The following CHST9 variants were observed in gnomAD, a reference collection of about 807,000 sequenced individuals.
CHST9 encodes the protein GalNAc-4-sulfotransferase 2.
Under a neutral mutation model 44.4 loss-of-function variants are expected in CHST9, and 41 were observed. The ratio of observed to expected loss-of-function variants is 0.92; its 90% CI spans 0.72 to 1.20. The LOEUF (loss-of-function observed/expected upper bound fraction) is 1.20. Ranked by LOEUF, CHST9 falls within the 50% of genes most tolerant of loss-of-function variation. The pLI is 0.00. For synonymous variants in CHST9, 171 were observed against 178.4 expected (o/e 0.96, Z 0.33); for missense variants, 504 against 516.5 (o/e 0.98, Z 0.23).
intron 2 of CHST9, among the ~76,000 whole-genome samples, chr18:27,101,965 A>C (rs1316571440): frequency 9.2e-5 from 14 of 152,254 alleles, no homozygotes; most frequent in Admixed American, 9.2e-4. Flanking sequence ...AGGAAATCAC[A>C]GGTGGCTTCA....
At chr18:27,057,933 G>A (rs1239861761) in intron 2 of CHST9, among the ~76,000 whole-genome samples, 1 of 152,336 alleles carries the variant, frequency 6.6e-6, no homozygotes, top group East Asian at 1.9e-4. Flanking sequence ...CGACAAGCAC[G>A]TAATTAATGT....
At chr18:26,944,741 C>T (rs947786896) in intron 4 of CHST9, among the ~76,000 whole-genome samples, 2 of 152,128 alleles carry the variant, frequency 1.3e-5, no homozygotes, top group Non-Finnish European at 2.9e-5. Context: ...AATACTAATA[C>T]TGAGCTCAGG....
At position 26,907,366 on chromosome 18, in the gene CHST9, C is replaced by G. The variant is rs181693399; in HGVS notation, c.*8893G>C. 1 of 152,466 alleles carries G rather than the reference C, an allele frequency of 6.6e-6. No individual in the cohort carries two copies. Among genetic ancestry groups the G allele is most frequent in the Admixed American group, 6.5e-5 (1 of 15,292 alleles). 9.4% of individuals were successfully genotyped at this position (152,466 alleles called of 1,614,324 possible). A position where few individuals can be genotyped will look rare whatever the true frequency, so the allele number is the denominator to read the frequency against. ...AGGTTTGGGGGTTAGGTGATGAGTT[C>G]AGCTTTGGTCATGTTGAGTTGGAAG... is the stretch of plus-strand genomic sequence containing the variant. On this transcript the variant is annotated 3_prime_UTR_variant, in exon 6 of 6. Transcript: ENST00000618847.
At chr18:27,079,123 T>A (rs1261391114) in intron 2 of CHST9, among the ~76,000 whole-genome samples, 1 of 152,168 alleles carries the variant, frequency 6.6e-6, no homozygotes, top group Non-Finnish European at 1.5e-5. Context: ...GCAGAACTGT[T>A]TATACGATAA....
At chr18:27,058,380 G>GA (rs1053037812) in intron 2 of CHST9, among the ~76,000 whole-genome samples, 4 of 152,058 alleles carry the variant, frequency 2.6e-5, no homozygotes, top group Admixed American at 1.3e-4. Context: ...TCCTGTGCTA[G>GA]AAAAAAATGA....
intron 4 of CHST9, among the ~76,000 whole-genome samples, chr18:27,019,564 T>C (rs974603735): frequency 3.3e-5 from 5 of 151,248 alleles, no homozygotes; most frequent in South Asian, 2.1e-4. Context: ...GTCAGAAGAG[T>C]CAAGTTTTAG....
chr18:26,937,388 T>C (rs376728868), intron 5 of CHST9, among the ~76,000 whole-genome samples: 52 of 152,256 alleles, frequency 3.4e-4, no homozygotes, highest in African/African-American at 7.7e-4. Flanking sequence ...TGCTTCAGTA[T>C]TGGTGTCAGA....
At chr18:27,156,026 G>C (rs150131470) in intron 1 of CHST9, among the ~76,000 whole-genome samples, 1 of 151,848 alleles carries the variant, frequency 6.6e-6, no homozygotes, top group African/African-American at 2.4e-5. Context: ...TATAAAAAAC[G>C]TGTGATTAAG....
intron 2 of CHST9, among the ~76,000 whole-genome samples, chr18:27,097,351 T>C (rs907371645): frequency 2.6e-5 from 4 of 152,010 alleles, no homozygotes; most frequent in Admixed American, 2.0e-4. Flanking sequence ...AAGATGCCCA[T>C]TCTCACTATG....
At chr18:27,124,585 C>A (rs144715604) in intron 2 of CHST9, among the ~76,000 whole-genome samples, 84 of 152,336 alleles carry the variant, frequency 5.5e-4, no homozygotes, top group African/African-American at 2.0e-3. Flanking sequence ...TCCATCAATT[C>A]TTGATTGCTC....
At chr18:27,111,348 G>A (rs1319631913) in intron 2 of CHST9, among the ~76,000 whole-genome samples, 1 of 152,152 alleles carries the variant, frequency 6.6e-6, no homozygotes, top group Non-Finnish European at 1.5e-5. Context: ...TTTTGGAAAT[G>A]CAAAAATGTG....
intron 4 of CHST9, among the ~76,000 whole-genome samples, chr18:27,004,279 C>T (rs1289874978): frequency 3.3e-5 from 5 of 151,302 alleles, no homozygotes; most frequent in Admixed American, 3.3e-4. Flanking sequence ...AGAAAGAGGC[C>T]ACAAGAAAGC....
intron 2 of CHST9, among the ~76,000 whole-genome samples, chr18:27,105,641 C>T (rs2058214597): frequency 6.6e-6 from 1 of 152,110 alleles, no homozygotes; most frequent in Non-Finnish European, 1.5e-5. Flanking sequence ...CTGCAAGGGA[C>T]CCAATTGAAT....
chr18:26,995,392 C>G (rs936200349), intron 4 of CHST9, among the ~76,000 whole-genome samples: 1 of 147,430 alleles, frequency 6.8e-6, no homozygotes, highest in Non-Finnish European at 1.5e-5. Context: ...GAGCCAAGAT[C>G]GCGCCACTAC....
At chr18:27,161,311 T>G (rs915484102) in intron 1 of CHST9, among the ~76,000 whole-genome samples, 3 of 152,232 alleles carry the variant, frequency 2.0e-5, no homozygotes, top group African/African-American at 4.8e-5. Flanking sequence ...GTATGTTGTG[T>G]CTTTGTTCTT....
chr18:27,083,660 C>T (rs950334353), intron 2 of CHST9, among the ~76,000 whole-genome samples: 1 of 152,122 alleles, frequency 6.6e-6, no homozygotes, highest in Admixed American at 6.6e-5. Context: ...TTTCCACTGA[C>T]TTATTCCAAA....
intron 4 of CHST9, among the ~76,000 whole-genome samples, chr18:27,002,853 G>A (rs961299385): frequency 6.6e-6 from 1 of 152,176 alleles, no homozygotes. Flanking sequence ...CACATAAATT[G>A]TGAAGTTAGG....
At chr18:26,931,841 T>C (rs562055381) in intron 5 of CHST9, among the ~76,000 whole-genome samples, 119 of 152,330 alleles carry the variant, frequency 7.8e-4, no homozygotes, top group African/African-American at 2.7e-3. Flanking sequence ...GTTGAGATCA[T>C]ATTTTTATTA....
intron 1 of CHST9, among the ~76,000 whole-genome samples, chr18:27,168,382 T>C (rs1278537206): frequency 2.0e-5 from 3 of 152,170 alleles, no homozygotes; most frequent in African/African-American, 4.8e-5. Context: ...CCTATACCTA[T>C]GTTTTATGAT....
Sources: gnomAD v4.1 joint callset for allele counts (sites outside exome capture counted in the v4.1 genomes callset) on GRCh38, gnomAD v4.1.1 for gene constraint, MANE v1.5 for transcripts, NCBI Gene and HGNC (gene_info 2026-07-23, HGNC 2026-07-21) for gene names.